PDE4D: variants seen among roughly 807,000 people sequenced by gnomAD.
The protein encoded by PDE4D is phosphodiesterase 4D.
In PDE4D, 24 loss-of-function variants were observed where a neutral mutation model predicts 87.4. The ratio of observed to expected loss-of-function variants is 0.27; its 90% confidence interval spans 0.20 to 0.39. The LOEUF (loss-of-function observed/expected upper bound fraction) is 0.39, where lower values mean the gene tolerates loss of function less well. Among genes scored for constraint, PDE4D ranks in the 10% least tolerant of loss-of-function variants. PDE4D has a pLI of 1.00. For synonymous variants in PDE4D, 384 were observed against 383.2 expected (o/e 1.00, Z -0.02); for missense variants, 714 against 1,041.0 (o/e 0.69, Z 4.32).
At chr5:59,171,482 C>T (rs1782752590) in intron 5 of PDE4D, among the ~76,000 whole-genome samples, 1 of 152,180 alleles carries the variant, frequency 6.6e-6, no homozygotes, top group Admixed American at 6.5e-5. Flanking sequence ...TTTCCACTGT[C>T]CATAAAATAA....
chr5:60,331,669 C>T (rs1757317240), intron 1 of PDE4D, among the ~76,000 whole-genome samples: 2 of 152,202 alleles, frequency 1.3e-5, no homozygotes, highest in Admixed American at 1.3e-4. Context: ...TTACAGAATG[C>T]TCACCCTGTG....
chr5:60,432,094 G>C (rs1744380685), intron 1 of PDE4D, among the ~76,000 whole-genome samples: 1 of 62,242 alleles, frequency 1.6e-5, no homozygotes, highest in African/African-American at 1.1e-4. Flanking sequence ...GTGGGGAGAA[G>C]GAGAGGGAGA....
At chr5:59,371,776 G>A (rs550644112) in intron 1 of PDE4D, among the ~76,000 whole-genome samples, 1 of 152,300 alleles carries the variant, frequency 6.6e-6, no homozygotes, top group Admixed American at 6.5e-5. Flanking sequence ...GAGTCAACGG[G>A]AATAAACACG....
intron 2 of PDE4D, among the ~76,000 whole-genome samples, chr5:60,175,192 T>G (rs932134852): frequency 3.9e-5 from 6 of 152,248 alleles, no homozygotes; most frequent in East Asian, 1.9e-4. Flanking sequence ...GATTATTTCC[T>G]TAGCTGTCTC....
intron 1 of PDE4D, among the ~76,000 whole-genome samples, chr5:59,769,664 G>A (rs1169911271): frequency 7.9e-5 from 12 of 152,196 alleles, no homozygotes; most frequent in Admixed American, 7.9e-4. Context: ...GACACTAGAA[G>A]TGCAGACATT....
At chr5:60,020,624 G>C (rs959863926) in intron 2 of PDE4D, among the ~76,000 whole-genome samples, 1 of 152,042 alleles carries the variant, frequency 6.6e-6, no homozygotes, top group Non-Finnish European at 1.5e-5. Flanking sequence ...GAGCCCTGAG[G>C]CACCACAGAT....
chr5:59,681,560 T>A (rs1749010386), intron 1 of PDE4D, among the ~76,000 whole-genome samples: 1 of 152,094 alleles, frequency 6.6e-6, no homozygotes, highest in Non-Finnish European at 1.5e-5. Flanking sequence ...ATTCCCTTCA[T>A]GAATGGATTA....
chr5:59,985,138 G>GTTTTTTTTTTTTTTTTTT (rs1389439526), intron 3 of PDE4D, among the ~76,000 whole-genome samples: 1 of 113,194 alleles, frequency 8.8e-6, no homozygotes, highest in Non-Finnish European at 1.8e-5. Flanking sequence ...TTTGTTTTTT[G>GTTTTTTTTTTTTTTTTTT]TTTTTTGTTT....
intron 2 of PDE4D, among the ~76,000 whole-genome samples, chr5:60,001,825 T>C (rs1764042536): frequency 1.4e-5 from 2 of 144,102 alleles, no homozygotes; most frequent in Non-Finnish European, 3.0e-5. Flanking sequence ...TAAAATAAAA[T>C]ATTATAATTA....
intron 1 of PDE4D, among the ~76,000 whole-genome samples, chr5:59,469,925 A>C (rs1802189835): frequency 6.6e-6 from 1 of 152,154 alleles, no homozygotes; most frequent in Admixed American, 6.5e-5. Flanking sequence ...CAAGAAGCAC[A>C]AAAAGGCATT....
At chr5:60,292,492 T>C (rs1039575583) in intron 1 of PDE4D, among the ~76,000 whole-genome samples, 1 of 152,168 alleles carries the variant, frequency 6.6e-6, no homozygotes, top group Non-Finnish European at 1.5e-5. Flanking sequence ...TAAGAGAAAA[T>C]GGTATACATC....
At chr5:60,194,039 C>G (rs1232004765) in intron 1 of PDE4D, among the ~76,000 whole-genome samples, 2 of 151,664 alleles carry the variant, frequency 1.3e-5, no homozygotes, top group African/African-American at 4.8e-5. Context: ...GATCTAAATA[C>G]TCTCTTGAGT....
At chr5:60,119,634 T>G (rs1778489735) in intron 2 of PDE4D, among the ~76,000 whole-genome samples, 1 of 152,228 alleles carries the variant, frequency 6.6e-6, no homozygotes, top group Non-Finnish European at 1.5e-5. Context: ...ATGAGAAGAC[T>G]TAACTCATAA....
intron 1 of PDE4D, among the ~76,000 whole-genome samples, chr5:59,680,278 G>A (rs1028789861): frequency 2.6e-5 from 4 of 152,056 alleles, no homozygotes; most frequent in African/African-American, 7.2e-5. Context: ...CATTTGTCCC[G>A]TTGTTTCCAG....
intron 1 of PDE4D, among the ~76,000 whole-genome samples, chr5:59,232,975 G>A (rs1334576710): frequency 2.6e-5 from 4 of 152,022 alleles, no homozygotes; most frequent in African/African-American, 7.2e-5. Context: ...ACTCATAAGT[G>A]GGTGCTAAAA....
At chr5:59,104,694 G>A (rs1320369691) in intron 5 of PDE4D, among the ~76,000 whole-genome samples, 1 of 152,048 alleles carries the variant, frequency 6.6e-6, no homozygotes, top group Non-Finnish European at 1.5e-5. Context: ...AAGGAGGGAA[G>A]GGGAGGGAGG....
chr5:59,884,860 T>G (rs1749931677), intron 1 of PDE4D, among the ~76,000 whole-genome samples: 1 of 136,470 alleles, frequency 7.3e-6, no homozygotes, highest in African/African-American at 2.6e-5. Context: ...GATGAAAAAT[T>G]GTTTCAGTTT....
chr5:59,223,255 G>T (rs1196011262), intron 1 of PDE4D, among the ~76,000 whole-genome samples: 1 of 152,166 alleles, frequency 6.6e-6, no homozygotes, highest in Non-Finnish European at 1.5e-5. Context: ...TTCCTACCAG[G>T]AAGTGTGGAA....
At chr5:59,451,980 G>A (rs535587086) in intron 1 of PDE4D, among the ~76,000 whole-genome samples, 11 of 152,144 alleles carry the variant, frequency 7.2e-5, no homozygotes, top group Middle Eastern at 3.4e-3. Flanking sequence ...GAAAAACCTT[G>A]TCCAATCCAT....
Sources: gnomAD v4.1 joint callset for allele counts (sites outside exome capture counted in the v4.1 genomes callset) on GRCh38, gnomAD v4.1.1 for gene constraint, MANE v1.5 for transcripts, NCBI Gene and HGNC (gene_info 2026-07-23, HGNC 2026-07-21) for gene names.